The following KDM4A variants were observed in gnomAD, a reference collection of about 807,000 sequenced individuals.
KDM4A encodes lysine-specific demethylase 4A.
In KDM4A, 23 loss-of-function variants were observed where a neutral mutation model predicts 127.1. The observed-to-expected ratio is 0.18, with a 90% CI of 0.13 to 0.26. The LOEUF (loss-of-function observed/expected upper bound fraction) is 0.26. Among genes scored for constraint, KDM4A ranks in the 10% least tolerant of loss-of-function variants. The pLI is 1.00. For missense variants in KDM4A, 890 were observed against 1,329.1 expected (o/e 0.67, Z 5.14); for synonymous variants, 443 against 466.5 (o/e 0.95, Z 0.65).
Position 43,703,730 on chromosome 1 carries a change from G to A in KDM4A, c.2955G>A (p.Met985Ile). The change falls in exon 20 of 22, where the codon ATG becomes ATA. Residue 985 changes from methionine to isoleucine, a missense_variant. By Grantham distance (10) the Met-to-Ile change is conservative (BLOSUM62 1). This residue lies in a region of KDM4A where 246 missense variants were observed against 418.4 expected (regional missense o/e 0.59). Transcript: ENST00000372396. ...AKFVASHPIQ[M>I]YQVEFEDGSQ... ...TTGTGGCCTCCCACCCTATCCAAAT[G>A]TACCAGGTATCCAAAGTTCTACCTT... is the stretch of plus-strand genomic sequence containing the variant. The A allele has an allele frequency of 6.2e-7, 1 of 1,614,108 alleles. No homozygotes were observed. The highest frequency in any genetic ancestry group is 8.5e-7 in the Non-Finnish European group (1 of 1,179,988).
rs893418993 is a variant in KDM4A at position 43,663,724 on chromosome 1, A to C, written c.623+637A>C. ...CTGCAGCCTTGACCTCCTGGGCTCA[A>C]GTGATCCTTCTACTTCAGCCTCCCA... On this transcript the variant is annotated intron_variant, in intron 5 of 21. Coordinates refer to ENST00000372396, the MANE Select transcript of KDM4A (RefSeq NM_014663.3). Among the ~76,000 whole-genome samples, 5 of 152,142 alleles carry C rather than the reference A, an allele frequency of 3.3e-5. No homozygotes were observed. The East Asian group carries it at 9.7e-4, about 29-fold the overall frequency.
intron 12 of KDM4A, among the ~76,000 whole-genome samples, chr1:43,684,791 A>G (rs1018290367): frequency 7.2e-5 from 11 of 152,224 alleles, no homozygotes; most frequent in Admixed American, 4.6e-4. Flanking sequence ...GATCGCTCCT[A>G]GTGCTGGCAT....
At chr1:43,702,061 G>T (rs1246523534) in intron 19 of KDM4A, 5 of 152,190 alleles carry the variant, frequency 3.3e-5, no homozygotes, top group African/African-American at 1.2e-4. Flanking sequence ...AGAGCTTAGG[G>T]TCAGTGCCTT....
intron 11 of KDM4A, among the ~76,000 whole-genome samples, chr1:43,675,779 G>A (rs1055845999): frequency 6.6e-6 from 1 of 152,084 alleles, no homozygotes; most frequent in South Asian, 2.1e-4. Context: ...TCTTTTAAAC[G>A]CACACACAAA....
At chr1:43,657,434 C>T (rs184580674) in intron 3 of KDM4A, among the ~76,000 whole-genome samples, 57 of 152,106 alleles carry the variant, frequency 3.7e-4, no homozygotes, top group African/African-American at 1.3e-3. Flanking sequence ...ATCTCTTGAC[C>T]TCGTGATCCA....
At position 43,669,144 on chromosome 1, in the gene KDM4A, T is replaced by C. The variant is rs750815840; in HGVS notation, c.1208T>C (p.Leu403Pro). The C allele has an allele frequency of 1.9e-6, 3 of 1,614,228 alleles. No individual in the cohort carries two copies. The highest frequency in any genetic ancestry group is 2.2e-5 in the South Asian group (2 of 91,088). ...RIGTKRHRVC[L>P]EIPQEVSQSE... ...GGGACAAAGAGGCACCGAGTTTGTCTTGAAATACCACAGGAGGTGAGTCAG... is the reference window on the plus strand; with the variant it reads ...GGGACAAAGAGGCACCGAGTTTGTCCTGAAATACCACAGGAGGTGAGTCAG... Residue 403 changes from leucine to proline, a missense_variant, in exon 10 of 22, where the codon CTT (leucine) becomes CCT (proline). By Grantham distance (98) the Leu-to-Pro change is moderately conservative. Transcript: ENST00000372396.
intron 2 of KDM4A, among the ~76,000 whole-genome samples, chr1:43,655,111 A>C (rs573050837): frequency 6.6e-6 from 1 of 152,272 alleles, no homozygotes; most frequent in Non-Finnish European, 1.5e-5. Flanking sequence ...CGGCCTCCCA[A>C]AGTGCTGGGA....
chr1:43,656,716 C>T (rs1232666351), intron 3 of KDM4A, among the ~76,000 whole-genome samples: 1 of 151,312 alleles, frequency 6.6e-6, no homozygotes, highest in Non-Finnish European at 1.5e-5. Flanking sequence ...CCTTGTTCAG[C>T]TCTGACTACT....
chr1:43,654,469 T>G lies in KDM4A; in HGVS notation c.139-1122T>G, dbSNP rs549792602. On this transcript the variant is annotated intron_variant, in intron 2 of 21. Transcript: ENST00000372396. ...CGTTCATTCTTTTTTCTTTTTTTTT[T>G]TCTTTTTTCCTTTTTAACAACATAT... 3.3e-5 allele frequency among the ~76,000 whole-genome samples: 5 copies of G among 152,254 alleles called. No homozygotes were observed. The East Asian group carries it at 9.6e-4, about 29-fold the overall frequency.
At chr1:43,703,414 C>G in intron 19 of KDM4A, 1 of 341,904 alleles carries the variant, frequency 2.9e-6, no homozygotes, top group East Asian at 5.0e-5. Flanking sequence ...TTTTTTTGGT[C>G]ACCTAGAAGC....
chr1:43,650,547 G>C (rs1016488433), intron 1 of KDM4A: 1 of 152,300 alleles, frequency 6.6e-6, no homozygotes, highest in African/African-American at 2.4e-5. Context: ...GAACCTGTGC[G>C]CGGTGAGGTT....
In KDM4A at chr1:43,688,853, C is replaced by T; in HGVS notation, c.1856-61C>T. 2 of 1,480,956 alleles carry T rather than the reference C, an allele frequency of 1.4e-6. No individual in the cohort carries two copies. The highest frequency in any genetic ancestry group is 2.4e-5 in the South Asian group (2 of 83,716). The allele number at this position is 1,480,956 out of a possible 1,614,324, so 91.7% of individuals were successfully genotyped here. On this transcript the variant is annotated intron_variant, in intron 12 of 21. Coordinates refer to ENST00000372396, the MANE Select transcript of KDM4A (RefSeq NM_014663.3). The surrounding 1 kb of genome is among the most constrained non-coding windows in gnomAD (Gnocchi z 4.4). ...AGTCCTAGTGGAACTCATCTGTTCT[C>T]CAGGCAGAGCCACAGATGTGCAGGG...
At chr1:43,662,775 C>A in intron 4 of KDM4A, 119 bp from the exon 5 acceptor site, 1 of 829,174 alleles carries the variant, frequency 1.2e-6, no homozygotes, top group Non-Finnish European at 1.9e-6. Context: ...AGTGTTTTGA[C>A]ATTATTCCCA....
At chr1:43,673,995 G>A (rs1230245577) in intron 11 of KDM4A, among the ~76,000 whole-genome samples, 1 of 152,232 alleles carries the variant, frequency 6.6e-6, no homozygotes, top group Non-Finnish European at 1.5e-5. Context: ...AGGGTAGAGT[G>A]CAGTGGCACA....
chr1:43,689,179 C>T lies in KDM4A; in HGVS notation c.2037+84C>T. ...TTAATTGTGAGTATATAGCTTGTCACTGGTTGTCTTGGGAAAGGCCACCTC... is the reference window on the plus strand; with the variant it reads ...TTAATTGTGAGTATATAGCTTGTCATTGGTTGTCTTGGGAAAGGCCACCTC... On this transcript the variant is annotated intron_variant, in intron 13 of 21. Transcript: ENST00000372396. 3.5e-6 allele frequency: 5 copies of T among 1,435,186 alleles called. No individual in the cohort carries two copies. The South Asian group carries it at 6.4e-5, about 18-fold the overall frequency. The allele number at this position is 1,435,186 out of a possible 1,614,324, so 88.9% of individuals were successfully genotyped here.
chr1:43,661,179 TGCTCAG>T (rs951935226), intron 4 of KDM4A, among the ~76,000 whole-genome samples: 4 of 152,040 alleles, frequency 2.6e-5, no homozygotes, highest in African/African-American at 9.7e-5. Flanking sequence ...TTCTCCATGT[TGCTCAG>T]GCTGGTTTTA....
chr1:43,675,995 C>G (rs1159148191), intron 11 of KDM4A, among the ~76,000 whole-genome samples: 1 of 151,470 alleles, frequency 6.6e-6, no homozygotes, highest in Non-Finnish European at 1.5e-5. Flanking sequence ...GCGCTTAAAC[C>G]CTGGGGTGGT....
chr1:43,679,867 C>T (rs1026823828), intron 11 of KDM4A, among the ~76,000 whole-genome samples: 17 of 152,168 alleles, frequency 1.1e-4, no homozygotes, highest in African/African-American at 4.1e-4. Context: ...GGAAAGAACT[C>T]AGGAGCCTTG....
chr1:43,696,944 G>T (rs1327066010), intron 18 of KDM4A, among the ~76,000 whole-genome samples: 2 of 152,214 alleles, frequency 1.3e-5, no homozygotes, highest in African/African-American at 4.8e-5. Flanking sequence ...GGTGCATACA[G>T]TATAGTTGAA....
Sources: gnomAD v4.1 joint callset for allele counts (sites outside exome capture counted in the v4.1 genomes callset) on GRCh38, gnomAD v4.1.1 for gene constraint, gnomAD v4.1.1 regional missense constraint, Gnocchi (gnomAD v3.1) non-coding constraint, MANE v1.5 for transcripts, NCBI Gene and HGNC (gene_info 2026-07-23, HGNC 2026-07-21) for gene names.